RCC1: variants seen among roughly 807,000 people sequenced by gnomAD.
The protein encoded by RCC1 is regulator of chromosome condensation 1, also known as regulator of chromosome condensation.
A neutral mutation model predicts 44.4 loss-of-function variants in RCC1; 11 were observed. That is an observed-to-expected ratio of 0.25 (90% confidence interval 0.16 to 0.41). RCC1 has a LOEUF of 0.41. Ranked by LOEUF, RCC1 falls within the 10% of genes least tolerant of loss-of-function variation. The pLI, the probability that RCC1 is intolerant of heterozygous loss-of-function variation, is 1.00. For missense variants in RCC1, 386 were observed against 547.1 expected, an observed-to-expected ratio of 0.71 and a Z score of 2.94; for synonymous variants, 213 against 216.5, an observed-to-expected ratio of 0.98 and a Z score of 0.14.
chr1:28,529,636 C>A (rs776747987), intron 4 of RCC1, among the ~76,000 whole-genome samples: 4 of 151,980 alleles, frequency 2.6e-5, no homozygotes, highest in Non-Finnish European at 4.4e-5. Context: ...CATTCGGGTT[C>A]TGTTTTTGTT....
intron 3 of RCC1, among the ~76,000 whole-genome samples, chr1:28,512,960 A>G (rs924102659): frequency 6.6e-6 from 1 of 151,896 alleles, no homozygotes; most frequent in Admixed American, 6.6e-5. Flanking sequence ...ATGCCCTGCT[A>G]ATTTTTTGTA....
At chr1:28,511,404 T>C (rs6690392) in intron 3 of RCC1, among the ~76,000 whole-genome samples, 1 of 62,118 alleles carries the variant, frequency 1.6e-5, no homozygotes, top group South Asian at 3.5e-4. Flanking sequence ...TTGTTTTTTG[T>C]TTTTTTTTTT....
intron 4 of RCC1, among the ~76,000 whole-genome samples, chr1:28,529,442 C>T (rs1184035440): frequency 6.6e-6 from 1 of 151,978 alleles, no homozygotes; most frequent in Non-Finnish European, 1.5e-5. Flanking sequence ...CCCCGGCCTC[C>T]CACAGTGTTG....
At position 28,530,629 on chromosome 1, in the gene RCC1, C is replaced by T. The variant is rs186115364; in HGVS notation, c.73+690C>T. The T allele has an allele frequency of 1.1e-5, 18 of 1,590,668 alleles. No homozygotes were observed. The East Asian group carries it at 2.5e-4, about 22-fold the overall frequency. The stretch of plus-strand genomic sequence containing the variant: ...AAACCCGACCAGGTGGCTCCGCGCC[C>T]GGGGCGCCCTCTGTGCTGCCAGCGC... On this transcript the variant is annotated intron_variant, in intron 5 of 12. Coordinates refer to ENST00000683442, the MANE Select transcript of RCC1 (RefSeq NM_001381865.2).
rs772602606 is a variant in RCC1, at chr1:28,535,128, G to C, written c.520G>C (p.Val174Leu). 6.2e-7 allele frequency: 1 copy of C among 1,614,216 alleles called. No individual in the cohort carries two copies. The highest frequency in any genetic ancestry group is 8.5e-7 in the Non-Finnish European group (1 of 1,180,006). ...TGTGCAGGTGCAGCTGGATGTGCCT[G>C]TGGTAAAGGTGGCCTCAGGTGGGTC... ...VPVQVQLDVPVVKVASGNDHL... is the reference protein window; with the variant it reads ...VPVQVQLDVPLVKVASGNDHL... Residue 174 changes from valine (V) to leucine (L), a missense_variant, in exon 8 of 13, where the codon GTG (valine) becomes CTG (leucine). Val to Leu is a conservative substitution (Grantham distance 32, BLOSUM62 1). Coordinates refer to ENST00000683442, the MANE Select transcript of RCC1 (RefSeq NM_001381865.2).
intron 3 of RCC1, among the ~76,000 whole-genome samples, chr1:28,514,839 CAGGCAGATCACG>C (rs1352821361): frequency 6.6e-6 from 1 of 152,082 alleles, no homozygotes; most frequent in Non-Finnish European, 1.5e-5. Flanking sequence ...GAAGCCAAGG[CAGGCAGATCACG>C]AGGTCAGAGC....
chr1:28,523,950 G>A (rs1390420106), intron 4 of RCC1, among the ~76,000 whole-genome samples: 2 of 152,184 alleles, frequency 1.3e-5, no homozygotes, highest in African/African-American at 4.8e-5. Flanking sequence ...CCGAGTAGCT[G>A]GGATTACAGC....
intron 2 of RCC1, 162 bp from the exon 3 acceptor site, chr1:28,508,668 T>C (rs1375728974): frequency 1.9e-6 from 1 of 519,078 alleles, no homozygotes; most frequent in South Asian, 1.4e-5. Flanking sequence ...ACGTTGAAGA[T>C]GAAGCTGGGC....
chr1:28,533,197 C>T (rs187813698), intron 7 of RCC1, among the ~76,000 whole-genome samples: 98 of 152,024 alleles, frequency 6.4e-4, no homozygotes, highest in African/African-American at 2.1e-3. Context: ...TTGGGCTGGG[C>T]GCGGTGGCTC....
At chr1:28,511,281 G>A (rs953948760) in intron 3 of RCC1, among the ~76,000 whole-genome samples, 2 of 152,110 alleles carry the variant, frequency 1.3e-5, no homozygotes, top group African/African-American at 4.8e-5. Context: ...CAAAGGAGTT[G>A]GTATTTGTGA....
intron 4 of RCC1, among the ~76,000 whole-genome samples, chr1:28,528,677 A>G (rs184998786): frequency 6.6e-6 from 1 of 152,210 alleles, no homozygotes; most frequent in East Asian, 1.9e-4. Flanking sequence ...CTTAGATAAT[A>G]TAGGAAGATA....
Position 28,536,768 on chromosome 1 carries a change from G to C in RCC1, c.959G>C (p.Arg320Pro). 6.2e-7 allele frequency: 1 copy of C among 1,614,088 alleles called. No individual in the cohort carries two copies. Among genetic ancestry groups the C allele is most frequent in the East Asian group, 2.2e-5 (1 of 44,876 alleles). ...ATAGGAAAAGCATACAGCCTGGGCC[G>C]GGCTGAGTATGGGCGGCTGGGCCTT... Reference protein sequence around the residue: ...DSEGKAYSLGRAEYGRLGLGE... With the variant: ...DSEGKAYSLGPAEYGRLGLGE... The change falls in exon 12 of 13, where the codon CGG (arginine) becomes CCG (proline). Residue 320 changes from arginine (R) to proline (P), a missense_variant. Arg to Pro is a moderately radical substitution (Grantham distance 103). Coordinates refer to ENST00000683442, the MANE Select transcript of RCC1 (RefSeq NM_001381865.2). This position sits in a 1 kb window ranked among gnomAD's most constrained non-coding sequence, Gnocchi z 4.9.
intron 7 of RCC1, among the ~76,000 whole-genome samples, chr1:28,533,254 G>A (rs140463919): frequency 0.028 from 4,233 of 150,492 alleles, 83 homozygotes; most frequent in Middle Eastern, 0.044. Context: ...GGCAGATCAC[G>A]ACGTCAGGAG....
intron 2 of RCC1, 33 bp from the exon 3 acceptor site, chr1:28,508,797 T>G (rs759575629): frequency 1.9e-6 from 1 of 518,410 alleles, no homozygotes; most frequent in South Asian, 1.4e-5. Context: ...AGTAGGATCT[T>G]CAGGAGTCTA....
At chr1:28,526,769 G>A (rs374566119) in intron 4 of RCC1, 87 of 543,036 alleles carry the variant, frequency 1.6e-4, no homozygotes, top group African/African-American at 1.3e-3. Context: ...CGTGGCAGGC[G>A]CCTGTAATTC....
At chr1:28,508,401 C>T (rs2124595603) in intron 2 of RCC1, 13 of 365,144 alleles carry the variant, frequency 3.6e-5, no homozygotes, top group South Asian at 2.6e-4. Flanking sequence ...ATTAAAAGTG[C>T]AAAGTAGTAA....
intron 5 of RCC1, among the ~76,000 whole-genome samples, chr1:28,530,930 T>C (rs1334386925): frequency 1.3e-5 from 2 of 152,206 alleles, no homozygotes; most frequent in Non-Finnish European, 2.9e-5. Flanking sequence ...CTGGGGATTG[T>C]TCTCTGACCC....
In RCC1 at chr1:28,536,855, C is replaced by T. The variant is rs759710734; in HGVS notation, c.1046C>T (p.Ser349Leu). The change falls in exon 12 of 13, where the codon TCG becomes TTG. Residue 349 changes from serine to leucine, a missense_variant. Physicochemically the swap from Ser to Leu is moderately radical, Grantham distance 145 (BLOSUM62 -2). Coordinates refer to ENST00000683442, the MANE Select transcript of RCC1 (RefSeq NM_001381865.2). This position sits in a 1 kb window ranked among gnomAD's most constrained non-coding sequence, Gnocchi z 4.9. ...ATCTCCAGGCTGCCTGCTGTCTCCT[C>T]GGTGGCTTGTGGGGCCTCTGTGGGG... ...TLISRLPAVS[S>L]VACGASVGYA... 56 of 1,614,016 alleles carry T rather than the reference C, an allele frequency of 3.5e-5. No individual in the cohort carries two copies. In the Middle Eastern group the frequency reaches 9.9e-4, roughly 28 times the overall value.
chr1:28,523,031 T>C lies in RCC1; in HGVS notation c.-10+6164T>C, dbSNP rs894879660. ...GGAAGGAGGCAGAAGAAATTTCTTT[T>C]TTTTTTTTTTTTTTTTTTGAGACGG... On this transcript the variant is annotated intron_variant, in intron 4 of 12. Coordinates refer to ENST00000683442, the MANE Select transcript of RCC1 (RefSeq NM_001381865.2). Among the ~76,000 whole-genome samples, 12 of 137,488 alleles carry C rather than the reference T, an allele frequency of 8.7e-5. No homozygotes were observed. In the South Asian group the frequency reaches 2.1e-3, roughly 24 times the overall value. The allele number at this position is 137,488 out of a possible 152,430, so 90.2% of individuals were successfully genotyped here.
Sources: gnomAD v4.1 joint callset for allele counts (sites outside exome capture counted in the v4.1 genomes callset) on GRCh38, gnomAD v4.1.1 for gene constraint, Gnocchi (gnomAD v3.1) non-coding constraint, MANE v1.5 for transcripts, NCBI Gene and HGNC (gene_info 2026-07-23, HGNC 2026-07-21) for gene names.